The following SGCD variants were observed in gnomAD, a reference collection of about 807,000 sequenced individuals.
SGCD encodes the protein delta-sarcoglycan.
In SGCD, 18 loss-of-function variants were observed where a neutral mutation model predicts 36.6. The ratio of observed to expected loss-of-function variants is 0.49; its 90% CI spans 0.34 to 0.73. SGCD has a LOEUF of 0.73. Among genes scored for constraint, SGCD ranks in the 30% least tolerant of loss-of-function variants. The pLI, the probability that SGCD is intolerant of heterozygous loss-of-function variation, is 0.01. For synonymous variants in SGCD, 133 were observed against 130.6 expected (o/e 1.02, Z -0.12); for missense variants, 387 against 346.7 (o/e 1.12, Z -0.92).
chr5:155,982,306 CAT>C (rs1463598987), intron 1 of SGCD, among the ~76,000 whole-genome samples: 2 of 152,178 alleles, frequency 1.3e-5, no homozygotes, highest in Admixed American at 6.5e-5. Context: ...ATTCTCAATA[CAT>C]GTTTGAACAA....
At chr5:155,796,806 C>CAAAAAAAAAAAAAAAAA in the SGCD span, among the ~76,000 whole-genome samples, 62 of 51,310 alleles carry the variant, frequency 1.2e-3, 1 homozygote, top group South Asian at 2.0e-3. Flanking sequence ...AACTCCATCT[C>CAAAAAAAAAAAAAAAAA]AAAAAAAAAA....
intron 1 of SGCD, among the ~76,000 whole-genome samples, chr5:155,969,002 A>G (rs1311233946): frequency 1.3e-5 from 2 of 152,150 alleles, no homozygotes; most frequent in African/African-American, 2.4e-5. Context: ...ATACATACAC[A>G]TCTAGGTCAT....
At chr5:156,185,857 A>ACATATATATATACATATATAT (rs1763741377) in intron 3 of SGCD, among the ~76,000 whole-genome samples, 1 of 4,594 alleles carries the variant, frequency 2.2e-4, no homozygotes, top group Non-Finnish European at 2.0e-3. Flanking sequence ...ATATAGAGAG[A>ACATATATATATACATATATAT]GAGAGAGAGA....
chr5:156,200,197 C>T (rs1449780897), intron 3 of SGCD, among the ~76,000 whole-genome samples: 1 of 151,786 alleles, frequency 6.6e-6, no homozygotes, highest in Non-Finnish European at 1.5e-5. Flanking sequence ...CTCAAGGGAC[C>T]CTGAATAGCC....
At chr5:156,228,066 G>T in intron 3 of SGCD, among the ~76,000 whole-genome samples, 1 of 151,966 alleles carries the variant, frequency 6.6e-6, no homozygotes, top group East Asian at 1.9e-4. Flanking sequence ...CATATCATAT[G>T]GTCTGTCTTG....
At chr5:156,458,507 C>T in intron 3 of SGCD, 1 of 1,583,106 alleles carries the variant, frequency 6.3e-7, no homozygotes, top group East Asian at 2.2e-5. Flanking sequence ...GCTTCGTTAA[C>T]CTACAACAAA....
chr5:155,931,761 A>G (rs180753379), intron 1 of SGCD, among the ~76,000 whole-genome samples: 2 of 152,204 alleles, frequency 1.3e-5, no homozygotes, highest in South Asian at 2.1e-4. Context: ...GCTTTCAGCC[A>G]CTTACTATCT....
intron 2 of SGCD, among the ~76,000 whole-genome samples, chr5:156,340,568 T>C (rs1768597683): frequency 6.6e-6 from 1 of 152,208 alleles, no homozygotes; most frequent in Non-Finnish European, 1.5e-5. Context: ...CCAAAATGCA[T>C]GTAAATCCTC....
At chr5:156,628,039 G>C (rs1047512580) in intron 6 of SGCD, among the ~76,000 whole-genome samples, 1 of 152,138 alleles carries the variant, frequency 6.6e-6, no homozygotes, top group Non-Finnish European at 1.5e-5. Context: ...CATCTGCTCA[G>C]CTTTGGGGAA....
chr5:156,038,888 T>A (rs1759565427), intron 1 of SGCD, among the ~76,000 whole-genome samples: 1 of 152,174 alleles, frequency 6.6e-6, no homozygotes, highest in African/African-American at 2.4e-5. Context: ...CAAAGTGGTA[T>A]ATATTAGGTA....
chr5:155,999,270 G>A (rs1328108564), intron 1 of SGCD, among the ~76,000 whole-genome samples: 1 of 152,144 alleles, frequency 6.6e-6, no homozygotes, highest in Admixed American at 6.5e-5. Flanking sequence ...CTGTGCCTTT[G>A]CCAGATCCTT....
intron 6 of SGCD, among the ~76,000 whole-genome samples, chr5:156,619,219 G>A (rs1019483145): frequency 6.6e-6 from 1 of 152,058 alleles, no homozygotes; most frequent in Non-Finnish European, 1.5e-5. Context: ...TAGAGATGGG[G>A]TTTCACCGTG....
chr5:155,892,992 G>T (rs899417519), intron 1 of SGCD, among the ~76,000 whole-genome samples: 1 of 152,120 alleles, frequency 6.6e-6, no homozygotes, highest in African/African-American at 2.4e-5. Flanking sequence ...GGTGAGGAGA[G>T]GTTGGCCACC....
At chr5:156,235,819 C>T (rs546963405) in intron 3 of SGCD, among the ~76,000 whole-genome samples, 4 of 152,188 alleles carry the variant, frequency 2.6e-5, no homozygotes, top group Non-Finnish European at 5.9e-5. Flanking sequence ...CCTAAGTTCT[C>T]TGCAAATCTG....
intron 1 of SGCD, among the ~76,000 whole-genome samples, chr5:156,104,811 C>A (rs1761606118): frequency 6.6e-6 from 1 of 152,182 alleles, no homozygotes; most frequent in Admixed American, 6.5e-5. Context: ...TTTTTCAAAT[C>A]TTCTTAAACC....
At chr5:156,731,798 T>C (rs1756076581) in intron 7 of SGCD, among the ~76,000 whole-genome samples, 1 of 152,182 alleles carries the variant, frequency 6.6e-6, no homozygotes, top group Non-Finnish European at 1.5e-5. Flanking sequence ...GATTCTTCCA[T>C]GAGCATGGAA....
the SGCD span, among the ~76,000 whole-genome samples, chr5:155,747,847 C>G: frequency 5.9e-5 from 9 of 152,170 alleles, no homozygotes; most frequent in African/African-American, 2.2e-4. Flanking sequence ...CTTGACGTTT[C>G]TCAAGATTTC....
chr5:156,196,855 G>C (rs1360176238), intron 3 of SGCD, among the ~76,000 whole-genome samples: 1 of 152,122 alleles, frequency 6.6e-6, no homozygotes, highest in African/African-American at 2.4e-5. Context: ...GGCCAGAATT[G>C]TTTCTTGTAC....
intron 3 of SGCD, among the ~76,000 whole-genome samples, chr5:156,234,743 G>A (rs1378274052): frequency 6.6e-6 from 1 of 152,116 alleles, no homozygotes; most frequent in East Asian, 1.9e-4. Flanking sequence ...ATTTTCTGCT[G>A]GGTTTAGACC....
Sources: gnomAD v4.1 joint callset for allele counts (sites outside exome capture counted in the v4.1 genomes callset) on GRCh38, gnomAD v4.1.1 for gene constraint, MANE v1.5 for transcripts, NCBI Gene and HGNC (gene_info 2026-07-23, HGNC 2026-07-21) for gene names.